Variants in ZPBP observed in about 807,000 individuals in gnomAD.
ZPBP encodes zona pellucida-binding protein 1.
ZPBP carries 26 observed loss-of-function variants against 44.8 expected under a neutral mutation model. That is an observed-to-expected ratio of 0.58 (90% CI 0.43 to 0.81). The LOEUF is 0.81. Among genes scored for constraint, ZPBP ranks in the 30% least tolerant of loss-of-function variants. The pLI is 0.00. For missense variants in ZPBP, 409 were observed against 434.0 expected, an observed-to-expected ratio of 0.94 and a Z score of 0.51; for synonymous variants, 174 against 153.2, an observed-to-expected ratio of 1.14 and a Z score of -1.00.
chr7:50,092,866 A>T, intron 1 of ZPBP: 1 of 739,834 alleles, frequency 1.4e-6, no homozygotes. Context: ...TCTATACCTT[A>T]ATTTCCTGTC....
intron 6 of ZPBP, among the ~76,000 whole-genome samples, chr7:49,989,311 C>T (rs530408367): frequency 5.3e-5 from 8 of 152,074 alleles, no homozygotes; most frequent in East Asian, 1.9e-4. Context: ...CTAACAGGCC[C>T]GGGAACCCCA....
At chr7:49,847,010 C>T (rs1000257157), downstream of ZPBP, among the ~76,000 whole-genome samples, 2 of 152,174 alleles carry the variant, frequency 1.3e-5, no homozygotes, top group East Asian at 1.9e-4. Context: ...GAATTTAACT[C>T]TAACTTGCAG....
intron 2 of ZPBP, among the ~76,000 whole-genome samples, chr7:49,880,537 T>C (rs1791617161): frequency 6.6e-6 from 1 of 151,680 alleles, no homozygotes; most frequent in African/African-American, 2.4e-5. Context: ...ATATTTTTCA[T>C]CAATTTTTAT....
intron 2 of ZPBP, among the ~76,000 whole-genome samples, chr7:49,863,059 G>A (rs909680383): frequency 2.0e-5 from 3 of 152,166 alleles, no homozygotes; most frequent in Non-Finnish European, 4.4e-5. Context: ...TTTGTTATAT[G>A]TCTGAAATAA....
chr7:49,882,186 A>G lies in ZPBP; in HGVS notation n.509+18932T>C, dbSNP rs139837234. On this transcript the variant is annotated intron_variant and non_coding_transcript_variant, in intron 2 of 2. Transcript: ENST00000465922. ...TTGTTCTCTTCTTTTATTAATTTAA[A>G]AGAGAACAAAACTAGTGGAAGTAAC... Among the ~76,000 whole-genome samples the G allele has an allele frequency of 3.2e-3, 488 of 152,294 alleles. 1 individual carries two copies. Among genetic ancestry groups the G allele is most frequent in the African/African-American group, 0.011 (437 of 41,580 alleles).
chr7:50,036,455 A>C (rs1051445093), intron 4 of ZPBP, among the ~76,000 whole-genome samples: 1 of 152,172 alleles, frequency 6.6e-6, no homozygotes. Flanking sequence ...TGGCCAATAA[A>C]TATGTTTAAT....
intron 1 of ZPBP, chr7:49,914,461 T>G (rs1009051395): frequency 6.6e-6 from 1 of 152,204 alleles, no homozygotes. Flanking sequence ...GAGCTAAAGC[T>G]CAATGGCTGT....
intron 4 of ZPBP, among the ~76,000 whole-genome samples, chr7:50,032,695 G>A (rs1712848344): frequency 6.6e-6 from 1 of 152,184 alleles, no homozygotes; most frequent in Admixed American, 6.5e-5. Context: ...CCGATGCACT[G>A]AACATCTTTT....
intron 2 of ZPBP, among the ~76,000 whole-genome samples, chr7:49,853,562 T>C (rs1040306322): frequency 1.3e-5 from 2 of 151,998 alleles, no homozygotes; most frequent in Non-Finnish European, 2.9e-5. Context: ...CGGTAGACTA[T>C]AAACCCTATA....
chr7:49,845,841 C>A (rs1554334391), downstream of ZPBP, among the ~76,000 whole-genome samples: 1 of 152,160 alleles, frequency 6.6e-6, no homozygotes, highest in Non-Finnish European at 1.5e-5. Flanking sequence ...AACAGCAATG[C>A]AGGAAGGAAG....
chr7:49,938,776 G>A (rs1264274450), intron 7 of ZPBP, among the ~76,000 whole-genome samples: 1 of 152,042 alleles, frequency 6.6e-6, no homozygotes, highest in Non-Finnish European at 1.5e-5. Flanking sequence ...CACATCTATG[G>A]AATGTTTATT....
chr7:49,868,314 A>G (rs916085992), intron 2 of ZPBP, among the ~76,000 whole-genome samples: 4 of 152,034 alleles, frequency 2.6e-5, no homozygotes, highest in Non-Finnish European at 4.4e-5. Flanking sequence ...CTTGTTTTAA[A>G]CCTCTTTAGC....
intron 6 of ZPBP, among the ~76,000 whole-genome samples, chr7:50,015,579 G>T (rs1244796018): frequency 2.0e-5 from 3 of 152,044 alleles, no homozygotes; most frequent in African/African-American, 7.2e-5. Flanking sequence ...AAACTAAAGA[G>T]CTTCTGCACA....
At chr7:49,964,589 A>G (rs1216280082) in intron 7 of ZPBP, among the ~76,000 whole-genome samples, 1 of 152,096 alleles carries the variant, frequency 6.6e-6, no homozygotes, top group East Asian at 1.9e-4. Context: ...AAGAAGCCCT[A>G]AAGAAAGACA....
chr7:49,929,887 T>C (rs1489644896), intron 1 of ZPBP, among the ~76,000 whole-genome samples: 1 of 152,184 alleles, frequency 6.6e-6, no homozygotes, highest in East Asian at 1.9e-4. Context: ...AGATGATTTG[T>C]ATAAGAAAAA....
intron 2 of ZPBP, among the ~76,000 whole-genome samples, chr7:49,892,031 ATTTTTTTTTT>A (rs536880676): frequency 1.9e-4 from 10 of 53,290 alleles, no homozygotes; most frequent in East Asian, 1.4e-3. Context: ...GACAAAGTAG[ATTTTTTTTTT>A]TTTTTTTTTT....
At chr7:49,857,394 G>A (rs193185594) in intron 2 of ZPBP, among the ~76,000 whole-genome samples, 117 of 152,294 alleles carry the variant, frequency 7.7e-4, no homozygotes, top group Non-Finnish European at 1.5e-3. Flanking sequence ...ATATTCCAAT[G>A]TAGGCATATA....
At chr7:49,940,738 T>C in intron 7 of ZPBP, 18 of 984,660 alleles carry the variant, frequency 1.8e-5, no homozygotes, top group South Asian at 4.7e-5. Context: ...TCCTTCCCCA[T>C]GCAGCTCTGG....
chr7:49,892,872 T>C (rs1426717509), intron 2 of ZPBP, among the ~76,000 whole-genome samples: 3 of 152,236 alleles, frequency 2.0e-5, no homozygotes, highest in Non-Finnish European at 4.4e-5. Flanking sequence ...TAGAAAATGC[T>C]GCCCACTCTG....
Sources: gnomAD v4.1 joint callset for allele counts (sites outside exome capture counted in the v4.1 genomes callset) on GRCh38, gnomAD v4.1.1 for gene constraint, MANE v1.5 for transcripts, NCBI Gene and HGNC (gene_info 2026-07-23, HGNC 2026-07-21) for gene names.